The following USP37 variants were observed in gnomAD, a reference collection of about 807,000 sequenced individuals.
USP37 encodes ubiquitin specific peptidase 37.
Under a neutral mutation model 124.0 loss-of-function variants are expected in USP37, and 27 were observed. That is an observed-to-expected ratio of 0.22 (90% CI 0.16 to 0.30). The LOEUF (loss-of-function observed/expected upper bound fraction) is 0.30. USP37 is among the 10% of genes least tolerant of loss of function. The probability of loss-of-function intolerance (pLI) is 1.00; values close to 1 mark genes in which losing one functional copy is unlikely to be tolerated. For missense variants in USP37, 889 were observed against 1,140.4 expected (o/e 0.78, Z 3.17); for synonymous variants, 365 against 388.0 (o/e 0.94, Z 0.70).
intron 8 of USP37, among the ~76,000 whole-genome samples, chr2:218,543,781 G>A (rs1692135281): frequency 6.6e-6 from 1 of 152,042 alleles, no homozygotes; most frequent in Non-Finnish European, 1.5e-5. Flanking sequence ...ACTCCAGCCT[G>A]GGCAACACAG....
intron 10 of USP37, among the ~76,000 whole-genome samples, chr2:218,515,214 T>C (rs930179641): frequency 6.6e-6 from 1 of 152,136 alleles, no homozygotes; most frequent in African/African-American, 2.4e-5. Flanking sequence ...GGGAACTTTT[T>C]TTTTTTAAGA....
chr2:218,455,725 C>T lies in USP37; in HGVS notation c.2714-7G>A. On this transcript the variant is annotated splice_region_variant and splice_polypyrimidine_tract_variant and intron_variant, in intron 24 of 25. Coordinates refer to ENST00000258399, the MANE Select transcript of USP37 (RefSeq NM_020935.3). ...ACATCACTAATGTAATGACCTGAAA[C>T]AAATAACATCTTAAAATCAAGGTTT... is the stretch of plus-strand genomic sequence containing the variant. 6.2e-7 allele frequency: 1 copy of T among 1,611,376 alleles called. No individual in the cohort carries two copies. Among genetic ancestry groups the T allele is most frequent in the African/African-American group, 1.3e-5 (1 of 74,912 alleles).
chr2:218,556,892 CCT>C lies in USP37; in HGVS notation c.156+1604_156+1605del, dbSNP rs1033772148. 5.3e-5 allele frequency among the ~76,000 whole-genome samples: 8 copies of C among 151,996 alleles called. 1 individual carries two copies. In the South Asian group the frequency reaches 8.3e-4, roughly 16 times the overall value. ...TTACCAGCCCCTGTCCCCCAACCACCCTGTTTCTTTTTCAGACAGGATCCTGC... is the reference window on the plus strand; with the variant it reads ...TTACCAGCCCCTGTCCCCCAACCACCGTTTCTTTTTCAGACAGGATCCTGC... On this transcript the variant is annotated intron_variant, in intron 4 of 25. Transcript: ENST00000258399.
At chr2:218,511,318 T>A (rs1361574540) in intron 10 of USP37, among the ~76,000 whole-genome samples, 1 of 151,876 alleles carries the variant, frequency 6.6e-6, no homozygotes, top group East Asian at 1.9e-4. Flanking sequence ...GCTAATTTTC[T>A]TTTTTTTGAG....
intron 18 of USP37, 110 bp from the exon 19 acceptor site, chr2:218,477,091 A>G: frequency 8.1e-7 from 1 of 1,227,360 alleles, no homozygotes; most frequent in Non-Finnish European, 1.1e-6. Flanking sequence ...ATTACTTAAC[A>G]GAAAAAAAAG....
chr2:218,498,875 CTT>C (rs1226529938), intron 11 of USP37, among the ~76,000 whole-genome samples: 3 of 152,248 alleles, frequency 2.0e-5, no homozygotes, highest in African/African-American at 4.8e-5. Flanking sequence ...TTAAATATAA[CTT>C]ATTCATTTCT....
At chr2:218,567,293 T>A (rs764656861) in intron 1 of USP37, among the ~76,000 whole-genome samples, 4 of 152,156 alleles carry the variant, frequency 2.6e-5, no homozygotes, top group Admixed American at 6.6e-5. Context: ...GCAAGACGCA[T>A]CCTCCTCTAT....
chr2:218,512,383 A>T (rs635573), intron 10 of USP37, among the ~76,000 whole-genome samples: 150,730 of 152,196 alleles, frequency 0.99, 74,656 homozygotes, highest in Middle Eastern at 1. Context: ...GGCGCACACC[A>T]GTAGTCCCCA....
rs61488353 is a variant in USP37 at position 218,557,930 on chromosome 2, C to CAAAAAAAAAAAAAAAAAAAA, written c.156+548_156+567dup. 2.1e-3 allele frequency among the ~76,000 whole-genome samples: 76 copies of CAAAAAAAAAAAAAAAAAAAA among 35,624 alleles called. 3 individuals carry two copies. The highest frequency in any genetic ancestry group is 5.2e-3 in the Admixed American group (10 of 1,936). The allele number at this position is 35,624 out of a possible 152,430, so 23.4% of individuals were successfully genotyped here. ...TGGGTGACAGAGGAAGACTCTGTCT[C>CAAAAAAAAAAAAAAAAAAAA]AAAAAAAAAAAAAAAAAAAAGGTGA... On this transcript the variant is annotated intron_variant, in intron 4 of 25. Coordinates refer to ENST00000258399, the MANE Select transcript of USP37 (RefSeq NM_020935.3).
chr2:218,537,681 G>A (rs554054260), intron 8 of USP37, among the ~76,000 whole-genome samples: 1 of 152,170 alleles, frequency 6.6e-6, no homozygotes, highest in East Asian at 1.9e-4. Context: ...AAAGACTATG[G>A]AATTGACTGG....
chr2:218,508,771 A>T (rs1689820002), intron 11 of USP37, among the ~76,000 whole-genome samples: 1 of 152,226 alleles, frequency 6.6e-6, no homozygotes, highest in Admixed American at 6.5e-5. Context: ...GTAAGCAGAA[A>T]GGAGAGTGAA....
intron 10 of USP37, among the ~76,000 whole-genome samples, chr2:218,512,988 C>T (rs1690083418): frequency 6.6e-6 from 1 of 151,958 alleles, no homozygotes; most frequent in Admixed American, 6.6e-5. Context: ...GATGCATTTA[C>T]TATTTGTTCT....
intron 18 of USP37, 123 bp from the exon 19 acceptor site, chr2:218,477,104 A>G (rs72965147): frequency 0.34 from 382,827 of 1,134,526 alleles, 72,049 homozygotes; most frequent in Non-Finnish European, 0.38. Flanking sequence ...AAAAAAAGAT[A>G]TATCAAAAGA....
intron 10 of USP37, among the ~76,000 whole-genome samples, chr2:218,522,400 CT>C (rs1163210248): frequency 5.5e-4 from 79 of 144,096 alleles, no homozygotes; most frequent in Admixed American, 9.0e-4. Flanking sequence ...CCATCTCTCT[CT>C]TTTTTTTTTT....
chr2:218,531,358 T>C (rs1441509555), intron 9 of USP37, among the ~76,000 whole-genome samples: 2 of 152,238 alleles, frequency 1.3e-5, no homozygotes, highest in African/African-American at 4.8e-5. Flanking sequence ...ATGACAACTC[T>C]TCTGTTCACA....
At chr2:218,475,338 C>G (rs1452846584) in intron 19 of USP37, among the ~76,000 whole-genome samples, 1 of 152,198 alleles carries the variant, frequency 6.6e-6, no homozygotes, top group African/African-American at 2.4e-5. Context: ...GTAAAGAAGG[C>G]TGGGCGAGGT....
intron 8 of USP37, among the ~76,000 whole-genome samples, chr2:218,545,044 T>C (rs1178178891): frequency 6.6e-6 from 1 of 152,172 alleles, no homozygotes; most frequent in Non-Finnish European, 1.5e-5. Flanking sequence ...CTCATGAGAT[T>C]TGGAGTTCTT....
At chr2:218,505,569 C>T (rs1249172831) in intron 11 of USP37, among the ~76,000 whole-genome samples, 1 of 152,116 alleles carries the variant, frequency 6.6e-6, no homozygotes, top group East Asian at 1.9e-4. Flanking sequence ...GGCATGAAAT[C>T]TTTGTTTCAC....
At chr2:218,497,675 T>C (rs757436646) in intron 13 of USP37, 59 bp downstream of exon 13, 6 of 1,599,292 alleles carry the variant, frequency 3.8e-6, no homozygotes, top group Non-Finnish European at 5.1e-6. Flanking sequence ...AGTGCTGGAA[T>C]TACAGACGTG....
Sources: gnomAD v4.1 joint callset for allele counts (sites outside exome capture counted in the v4.1 genomes callset) on GRCh38, gnomAD v4.1.1 for gene constraint, MANE v1.5 for transcripts, NCBI Gene and HGNC (gene_info 2026-07-23, HGNC 2026-07-21) for gene names.